Variants in SKAP1 observed in about 807,000 individuals in gnomAD.
SKAP1 encodes the protein src kinase-associated phosphoprotein 1.
A neutral mutation model predicts 58.5 loss-of-function variants in SKAP1; 44 were observed. The ratio of observed to expected loss-of-function variants is 0.75; its 90% CI spans 0.59 to 0.97. The LOEUF (loss-of-function observed/expected upper bound fraction) is 0.97. Ranked by LOEUF, SKAP1 falls within the 50% of genes least tolerant of loss-of-function variation. SKAP1 has a pLI of 0.00. For synonymous variants in SKAP1, 127 were observed against 149.7 expected (o/e 0.85, Z 1.11); for missense variants, 390 against 435.2 (o/e 0.90, Z 0.92).
At chr17:48,165,914 C>T (rs2064133114) in intron 10 of SKAP1, among the ~76,000 whole-genome samples, 1 of 152,074 alleles carries the variant, frequency 6.6e-6, no homozygotes, top group South Asian at 2.1e-4. Context: ...TCCAGTCTGT[C>T]CATTTGGAAT....
chr17:48,245,902 A>G (rs2065291216), intron 4 of SKAP1, among the ~76,000 whole-genome samples: 1 of 152,044 alleles, frequency 6.6e-6, no homozygotes, highest in South Asian at 2.1e-4. Flanking sequence ...TTGAACCCAG[A>G]AGGCAGAGGT....
chr17:48,246,854 C>T (rs2065302681), intron 4 of SKAP1, among the ~76,000 whole-genome samples: 1 of 152,242 alleles, frequency 6.6e-6, no homozygotes, highest in African/African-American at 2.4e-5. Flanking sequence ...CACGTCATCT[C>T]TCATGTGCCT....
intron 4 of SKAP1, among the ~76,000 whole-genome samples, chr17:48,252,789 C>A (rs1036334269): frequency 6.6e-6 from 1 of 150,856 alleles, no homozygotes; most frequent in African/African-American, 2.4e-5. Context: ...CAGCTACTTA[C>A]AACCACAGCC....
chr17:48,428,685 AT>A (rs2067878910), intron 1 of SKAP1, among the ~76,000 whole-genome samples: 2 of 152,264 alleles, frequency 1.3e-5, no homozygotes, highest in African/African-American at 4.8e-5. Context: ...ATATATTTCA[AT>A]GCAAGGGCAG....
rs531868249 is a variant in SKAP1 at position 48,429,993 on chromosome 17, A to G, written c.46+82T>C. On this transcript the variant is annotated intron_variant, in intron 1 of 12. Coordinates refer to ENST00000336915, the MANE Select transcript of SKAP1 (RefSeq NM_003726.4). ...GAAGGAGGTGAGTGACGAAGCCGTA[A>G]AGAAAGCCTGGCCGTGGGAGGCCTG... 5.2e-6 allele frequency: 6 copies of G among 1,163,306 alleles called. No homozygotes were observed. The Admixed American group carries it at 2.5e-4, about 49-fold the overall frequency. The allele number at this position is 1,163,306 out of a possible 1,614,324, so 72.1% of individuals were successfully genotyped here.
At chr17:48,211,627 T>C (rs1185913135) in intron 4 of SKAP1, among the ~76,000 whole-genome samples, 1 of 152,224 alleles carries the variant, frequency 6.6e-6, no homozygotes, top group Non-Finnish European at 1.5e-5. Context: ...ATGTAGATCA[T>C]AAGCATGTAA....
chr17:48,149,264 T>C (rs2063870005), intron 11 of SKAP1, among the ~76,000 whole-genome samples: 1 of 152,188 alleles, frequency 6.6e-6, no homozygotes. Context: ...AGTAGAGATG[T>C]TGGGTGTCAG....
intron 11 of SKAP1, among the ~76,000 whole-genome samples, chr17:48,155,894 G>A (rs919955956): frequency 2.0e-5 from 3 of 152,284 alleles, no homozygotes; most frequent in African/African-American, 2.4e-5. Context: ...AGTGGTGCTG[G>A]TCCACAAAAG....
At chr17:48,389,439 G>C (rs2067318969) in intron 2 of SKAP1, among the ~76,000 whole-genome samples, 1 of 152,236 alleles carries the variant, frequency 6.6e-6, no homozygotes. Context: ...GGGGCGATAG[G>C]CTGAGATCTT....
At chr17:48,196,514 C>T (rs2064632417) in intron 4 of SKAP1, among the ~76,000 whole-genome samples, 1 of 152,114 alleles carries the variant, frequency 6.6e-6, no homozygotes, top group Admixed American at 6.5e-5. Context: ...AGGTAGTGAG[C>T]ACAGTACCCA....
chr17:48,441,820 T>C, the SKAP1 span, among the ~76,000 whole-genome samples: 1 of 152,206 alleles, frequency 6.6e-6, no homozygotes, highest in Admixed American at 6.5e-5. Context: ...GTAATTTAAT[T>C]GTCTTTCCTT....
chr17:48,316,587 TA>T (rs2066291307), intron 4 of SKAP1, among the ~76,000 whole-genome samples: 1 of 152,144 alleles, frequency 6.6e-6, no homozygotes, highest in South Asian at 2.1e-4. Flanking sequence ...TCGGCCCCAG[TA>T]AAATATGAGC....
intron 11 of SKAP1, among the ~76,000 whole-genome samples, chr17:48,160,639 A>G (rs985049931): frequency 6.6e-6 from 1 of 152,186 alleles, no homozygotes; most frequent in Admixed American, 6.5e-5. Context: ...GCCATTAACA[A>G]AGGCAAAAGA....
chr17:48,276,799 C>T (rs2065706600), intron 4 of SKAP1, among the ~76,000 whole-genome samples: 1 of 152,180 alleles, frequency 6.6e-6, no homozygotes, highest in Non-Finnish European at 1.5e-5. Context: ...ACAAGCAATT[C>T]AATTTTGCTT....
chr17:48,339,324 A>G (rs996927316), intron 4 of SKAP1, among the ~76,000 whole-genome samples: 2 of 152,224 alleles, frequency 1.3e-5, no homozygotes, highest in Non-Finnish European at 1.5e-5. Flanking sequence ...GTATGCATAT[A>G]TGTTTATTTA....
chr17:48,363,673 T>C, intron 3 of SKAP1, 116 bp downstream of exon 3: 14 of 878,240 alleles, frequency 1.6e-5, no homozygotes, highest in Non-Finnish European at 2.1e-5. Flanking sequence ...TCCACTAACT[T>C]TCCTTGGAAA....
At chr17:48,358,717 T>C (rs1460214357) in intron 3 of SKAP1, among the ~76,000 whole-genome samples, 2 of 152,168 alleles carry the variant, frequency 1.3e-5, no homozygotes, top group African/African-American at 4.8e-5. Context: ...TCGCCCTACT[T>C]TGAGACATAA....
intron 4 of SKAP1, among the ~76,000 whole-genome samples, chr17:48,256,368 T>C (rs2065423818): frequency 6.6e-6 from 1 of 152,110 alleles, no homozygotes; most frequent in East Asian, 1.9e-4. Context: ...AAATAACTAT[T>C]AATAAAAATG....
chr17:48,192,655 G>A (rs1254353992), intron 4 of SKAP1, among the ~76,000 whole-genome samples: 2 of 152,158 alleles, frequency 1.3e-5, no homozygotes, highest in African/African-American at 4.8e-5. Flanking sequence ...CAGAGAGAGA[G>A]CTTGAATTGA....
Sources: allele counts gnomAD v4.1 joint callset (sites outside exome capture counted in the v4.1 genomes callset), GRCh38; gene constraint gnomAD v4.1.1; transcripts MANE v1.5; gene names NCBI Gene and HGNC (gene_info 2026-07-23, HGNC 2026-07-21).